Variants in ZNF362 observed in about 807,000 individuals in gnomAD.
The protein encoded by ZNF362 is rotund homolog.
ZNF362 carries 11 observed loss-of-function variants against 42.9 expected under a neutral mutation model. The observed-to-expected ratio is 0.26, with a 90% CI of 0.16 to 0.42. The LOEUF (loss-of-function observed/expected upper bound fraction) is 0.42, where lower values mean the gene tolerates loss of function less well. ZNF362 is among the 20% of genes least tolerant of loss of function. The pLI, the probability that ZNF362 is intolerant of heterozygous loss-of-function variation, is 1.00. For synonymous variants in ZNF362, 255 were observed against 257.3 expected (o/e 0.99, Z 0.09); for missense variants, 362 against 576.2 (o/e 0.63, Z 3.81).
At chr1:33,181,346 G>C in the ZNF362 span, 58 of 1,587,764 alleles carry the variant, frequency 3.7e-5, no homozygotes, top group Admixed American at 8.2e-4. The surrounding 1 kb of genome is among the most constrained non-coding windows in gnomAD (Gnocchi z 6.5). Context: ...GGCGGCAGAA[G>C]TAATGCTCGC....
chr1:33,242,535 A>G, the ZNF362 span, among the ~76,000 whole-genome samples: 1 of 152,192 alleles, frequency 6.6e-6, no homozygotes, highest in Non-Finnish European at 1.5e-5. Context: ...CCTAGCAAGC[A>G]GTTAGTGATA....
intron 8 of ZNF362, 106 bp downstream of exon 8, chr1:33,295,411 G>A: frequency 9.3e-7 from 1 of 1,078,746 alleles, no homozygotes; most frequent in Non-Finnish European, 1.3e-6. Context: ...CCATTTTCCA[G>A]ACAAATTGAG....
the ZNF362 span, chr1:33,158,190 G>C: frequency 6.8e-7 from 1 of 1,469,678 alleles, no homozygotes. Context: ...GTTTAGGACA[G>C]GGGGCTGGGC....
the ZNF362 span, among the ~76,000 whole-genome samples, chr1:33,155,365 C>G: frequency 6.6e-6 from 1 of 152,058 alleles, no homozygotes; most frequent in African/African-American, 2.4e-5. Flanking sequence ...GCCACCATGC[C>G]CGGCCTCCCC....
Position 33,294,077 on chromosome 1 carries a change from A to G in ZNF362, c.909-860A>G, listed in dbSNP as rs1646099240. 6.6e-6 allele frequency among the ~76,000 whole-genome samples: 1 copy of G among 152,092 alleles called. No homozygotes were observed. On this transcript the variant is annotated intron_variant, in intron 6 of 8. Coordinates refer to ENST00000539719, the MANE Select transcript of ZNF362 (RefSeq NM_152493.3). The surrounding 1 kb of genome is among the most constrained non-coding windows in gnomAD (Gnocchi z 4.2). ...GCAGTGGCTTTTGTCTGTTTTGTTC[A>G]TGATATATTCCAAATACCTAGCACA...
At chr1:33,130,481 G>T in the ZNF362 span, among the ~76,000 whole-genome samples, 1 of 152,168 alleles carries the variant, frequency 6.6e-6, no homozygotes, top group Admixed American at 6.5e-5. Context: ...ATGTGTCAAA[G>T]AACAGATGAC....
the ZNF362 span, chr1:33,143,049 A>G: frequency 6.6e-6 from 1 of 151,752 alleles, no homozygotes; most frequent in African/African-American, 2.4e-5. Context: ...GGCTTTGTTG[A>G]TCCCTCCTTC....
intron 6 of ZNF362, among the ~76,000 whole-genome samples, chr1:33,286,438 A>G (rs553764941): frequency 6.6e-6 from 1 of 151,304 alleles, no homozygotes; most frequent in South Asian, 2.1e-4. Context: ...AGAGGAGAAT[A>G]TTTTGCCAGA....
At chr1:33,198,962 A>G in the ZNF362 span, among the ~76,000 whole-genome samples, 641 of 152,344 alleles carry the variant, frequency 4.2e-3, 6 homozygotes, top group African/African-American at 0.015. Context: ...TTGAAGATAC[A>G]GCAATAGAAG....
chr1:33,261,485 G>A (rs1034911973), intron 1 of ZNF362: 5 of 152,138 alleles, frequency 3.3e-5, no homozygotes, highest in Admixed American at 3.3e-4. Flanking sequence ...CAGCCTTGAG[G>A]CAGACAGCCT....
chr1:33,170,984 C>G, the ZNF362 span, among the ~76,000 whole-genome samples: 8 of 152,166 alleles, frequency 5.3e-5, no homozygotes, highest in Admixed American at 4.6e-4. Context: ...CTAGTCGCTT[C>G]TTTGTGTCTT....
the ZNF362 span, chr1:33,200,367 A>G: frequency 1.3e-5 from 2 of 152,170 alleles, no homozygotes; most frequent in Non-Finnish European, 1.5e-5. Context: ...CTCAATCCAA[A>G]AAAGGCAGAA....
At chr1:33,135,675 G>A in the ZNF362 span, among the ~76,000 whole-genome samples, 1 of 152,268 alleles carries the variant, frequency 6.6e-6, no homozygotes, top group East Asian at 1.9e-4. Flanking sequence ...CACTTACTCA[G>A]CATGCAGGTC....
the ZNF362 span, among the ~76,000 whole-genome samples, chr1:33,133,866 T>C: frequency 6.6e-6 from 1 of 152,206 alleles, no homozygotes. Context: ...TGTTTGGCAC[T>C]TAGAAGGTGC....
the ZNF362 span, among the ~76,000 whole-genome samples, chr1:33,185,074 C>A: frequency 6.6e-6 from 1 of 152,084 alleles, no homozygotes; most frequent in South Asian, 2.1e-4. Context: ...AGCCACTGCG[C>A]CCAGCCAATT....
chr1:33,252,904 T>C (rs1004567945), upstream of ZNF362, among the ~76,000 whole-genome samples: 1 of 152,074 alleles, frequency 6.6e-6, no homozygotes, highest in African/African-American at 2.4e-5. Context: ...CTTTGCAGAA[T>C]TGGAGAGGAT....
the ZNF362 span, among the ~76,000 whole-genome samples, chr1:33,218,383 G>A: frequency 6.6e-6 from 1 of 152,152 alleles, no homozygotes; most frequent in African/African-American, 2.4e-5. Context: ...CGAGGCTGCA[G>A]TGCCCTGTGA....
the ZNF362 span, among the ~76,000 whole-genome samples, chr1:33,182,765 G>T: frequency 6.6e-6 from 1 of 152,084 alleles, no homozygotes; most frequent in African/African-American, 2.4e-5. Flanking sequence ...ATAGAGGCGT[G>T]AAAGGGGAGG....
chr1:33,225,030 T>C, the ZNF362 span, among the ~76,000 whole-genome samples: 2 of 152,330 alleles, frequency 1.3e-5, no homozygotes, highest in South Asian at 4.1e-4. Flanking sequence ...CCATTACAAC[T>C]ATGAACTGAT....
Sources: allele counts gnomAD v4.1 joint callset (sites outside exome capture counted in the v4.1 genomes callset), GRCh38; gene constraint gnomAD v4.1.1; non-coding constraint Gnocchi (gnomAD v3.1); transcripts MANE v1.5; gene names NCBI Gene and HGNC (gene_info 2026-07-23, HGNC 2026-07-21).